ELN: variants seen among roughly 807,000 people sequenced by gnomAD.
The protein encoded by ELN is tropoelastin.
A neutral mutation model predicts 105.8 loss-of-function variants in ELN; 65 were observed. The ratio of observed to expected loss-of-function variants is 0.61; its 90% CI spans 0.50 to 0.75. The LOEUF (loss-of-function observed/expected upper bound fraction) is 0.75, where lower values mean the gene tolerates loss of function less well. ELN is among the 30% of genes least tolerant of loss of function. The probability of loss-of-function intolerance (pLI) is 0.00; values close to 1 mark genes in which losing one functional copy is unlikely to be tolerated. For missense variants in ELN, 882 were observed against 969.4 expected (o/e 0.91, Z 1.20); for synonymous variants, 368 against 389.2 (o/e 0.95, Z 0.64).
chr7:74,057,353 G>A, intron 21 of ELN: 1 of 1,473,308 alleles, frequency 6.8e-7, no homozygotes, highest in Non-Finnish European at 8.9e-7. Context: ...ACTGGGAGGG[G>A]CAAGGCTGAA....
Position 74,028,266 on chromosome 7 carries a change from G to A in ELN, c.79G>A (p.Gly27Arg), listed in dbSNP as rs1554660123. 2 of 1,607,154 alleles carry A rather than the reference G, an allele frequency of 1.2e-6. No homozygotes were observed. Among genetic ancestry groups the A allele is most frequent in the Admixed American group, 1.7e-5 (1 of 59,802 alleles). ...GTCCATCCTCCACCCCTCTCGGCCTGGAGGTAAGGACCCCTCGCCCCTGTC... is the reference window on the plus strand; with the variant it reads ...GTCCATCCTCCACCCCTCTCGGCCTAGAGGTAAGGACCCCTCGCCCCTGTC... ...LLSILHPSRP[G>R]GVPGAIPGGV... Residue 27 changes from glycine to arginine, a missense_variant, in exon 1 of 33, where the codon GGA becomes AGA. Coordinates refer to ENST00000252034, the MANE Select transcript of ELN (RefSeq NM_000501.4).
In ELN at chr7:74,046,769, TA is replaced by T; in HGVS notation, c.643+4del. ...CCATCAAGGCCCCCAAGCTGCCTGG[TA>T]AGTCAGAGGGACGGTTCAAGATGCA... is the stretch of plus-strand genomic sequence containing the variant. On this transcript the variant is annotated splice_donor_region_variant and intron_variant, in intron 12 of 32. Transcript: ENST00000252034. 1 of 1,614,050 alleles carries T rather than the reference TA, an allele frequency of 6.2e-7. No homozygotes were observed. Among genetic ancestry groups the T allele is most frequent in the Non-Finnish European group, 8.5e-7 (1 of 1,179,988 alleles).
Position 74,069,782 on chromosome 7 carries a change from C to T in ELN, c.*1082C>T, listed in dbSNP as rs1182108414. On this transcript the variant is annotated 3_prime_UTR_variant, in exon 33 of 33. Transcript: ENST00000252034. The stretch of plus-strand genomic sequence containing the variant: ...TTTTTTCTGATCCGGGGAGCTGTAT[C>T]CCCAGTAGAAAAAACATTTTAATCA... The T allele has an allele frequency of 4.5e-6, 1 of 223,074 alleles. No homozygotes were observed. The highest frequency in any genetic ancestry group is 8.9e-6 in the Non-Finnish European group (1 of 112,102). 13.8% of individuals were successfully genotyped at this position (223,074 alleles called of 1,614,324 possible). A position where few individuals can be genotyped will look rare whatever the true frequency, so the allele number is the denominator to read the frequency against.
intron 14 of ELN, 136 bp downstream of exon 14, chr7:74,048,337 G>A (rs1286456103): frequency 5.3e-6 from 8 of 1,508,662 alleles, no homozygotes; most frequent in Non-Finnish European, 7.4e-6. Flanking sequence ...CCTGGAGCAG[G>A]ATCCTGGGGG....
At chr7:74,042,488 T>A (rs770299192) in intron 5 of ELN, 126 bp from the exon 6 acceptor site, 1 of 776,380 alleles carries the variant, frequency 1.3e-6, no homozygotes, top group Non-Finnish European at 2.1e-6. Flanking sequence ...CAGGCATTGA[T>A]GTCTGGCAGA....
intron 26 of ELN, among the ~76,000 whole-genome samples, chr7:74,061,481 A>C (rs942418671): frequency 1.3e-5 from 2 of 151,850 alleles, no homozygotes; most frequent in Admixed American, 6.6e-5. Flanking sequence ...GTGAAACCCC[A>C]TCTCTACTAA....
chr7:74,058,249 TTTC>T (rs75113520), intron 22 of ELN, among the ~76,000 whole-genome samples: 5 of 132,446 alleles, frequency 3.8e-5, no homozygotes, highest in Admixed American at 8.5e-5. Flanking sequence ...TTTCTCCTTC[TTTC>T]TTCTTCTTTC....
chr7:74,048,393 A>G, intron 14 of ELN, 110 bp from the exon 15 acceptor site: 1 of 1,552,248 alleles, frequency 6.4e-7, no homozygotes, highest in Non-Finnish European at 8.9e-7. Context: ...TGAAGCTCCC[A>G]TGTATACCCA....
chr7:74,048,163 C>T lies in ELN; in HGVS notation c.707C>T (p.Ala236Val), dbSNP rs1419338705. The T allele has an allele frequency of 6.2e-7, 1 of 1,613,898 alleles. No homozygotes were observed. Among genetic ancestry groups the T allele is most frequent in the East Asian group, 2.2e-5 (1 of 44,896 alleles). The change falls in exon 14 of 33, where the codon GCT (alanine) becomes GTT (valine). Residue 236 changes from alanine (A) to valine (V), a missense_variant. By Grantham distance (64) the Ala-to-Val change is moderately conservative. Transcript: ENST00000252034. ...GCAGGCTATGGGCCCGGAGGAGTGGCTGGTGCAGCGGGCAAGGCTGGTTAC... is the reference window on the plus strand; with the variant it reads ...GCAGGCTATGGGCCCGGAGGAGTGGTTGGTGCAGCGGGCAAGGCTGGTTAC... ...LPYGYGPGGV[A>V]GAAGKAGYPT... is the part of the protein sequence containing the mutation.
At chr7:74,052,113 T>A in intron 17 of ELN, 130 bp downstream of exon 17, 5 of 1,019,770 alleles carry the variant, frequency 4.9e-6, no homozygotes, top group African/African-American at 1.6e-5. Context: ...CCTCCTTACC[T>A]TTGCCCCTTC....
chr7:74,068,679 T>A lies in ELN; in HGVS notation c.2154T>A (p.Ala718=). ...IFPGGACLGK[A]CGRKRK ...CAGGTGGGGCCTGCCTGGGGAAAGC[T>A]TGTGGCCGGAAGAGAAAATGAGCTT... The change falls in exon 33 of 33, where the codon GCT becomes GCA. Residue 718 remains alanine, a synonymous_variant. Transcript: ENST00000252034. The A allele has an allele frequency of 6.2e-7, 1 of 1,614,064 alleles. No individual in the cohort carries two copies. The highest frequency in any genetic ancestry group is 1.1e-5 in the South Asian group (1 of 91,082).
In ELN at chr7:74,060,516, G is replaced by A. The variant is rs1554683736; in HGVS notation, c.1747+15G>A. ...CTTCGGGGCAGGTGCAGATGAGGGA[G>A]TTAGGCGGAGCCTGTCCCCTGAGCT... On this transcript the variant is annotated intron_variant, in intron 25 of 32. Coordinates refer to ENST00000252034, the MANE Select transcript of ELN (RefSeq NM_000501.4). The A allele has an allele frequency of 1.2e-6, 2 of 1,614,230 alleles. No homozygotes were observed. Among genetic ancestry groups the A allele is most frequent in the South Asian group, 1.1e-5 (1 of 91,092 alleles).
At chr7:74,062,742 G>A (rs1563865634) in intron 26 of ELN, among the ~76,000 whole-genome samples, 2 of 152,238 alleles carry the variant, frequency 1.3e-5, no homozygotes, top group Non-Finnish European at 2.9e-5. Context: ...GTAGAAACAG[G>A]GTTTCACCGT....
intron 15 of ELN, among the ~76,000 whole-genome samples, chr7:74,050,935 A>G (rs1432540168): frequency 2.6e-5 from 4 of 152,220 alleles, no homozygotes; most frequent in East Asian, 1.9e-4. Flanking sequence ...TTAGAAAGAT[A>G]ATTTTAGGTG....
intron 1 of ELN, among the ~76,000 whole-genome samples, chr7:74,029,320 G>T (rs1788137107): frequency 6.6e-6 from 1 of 152,136 alleles, no homozygotes. Context: ...GGATCCTGGG[G>T]CACTGCTGGG....
Position 74,063,327 on chromosome 7 carries a change from G to C in ELN, c.1876G>C (p.Ala626Pro). 6.4e-7 allele frequency: 1 copy of C among 1,550,974 alleles called. No homozygotes were observed. The highest frequency in any genetic ancestry group is 1.2e-5 in the South Asian group (1 of 84,266). The stretch of plus-strand genomic sequence containing the variant: ...GTTCCCAGGAGCCGGACCCGCCGCC[G>C]CCGCTGCCGCAGCCAAAGCTGCTGC... Reference protein sequence around the residue: ...GGVVGAGPAAAAAAAKAAAKA... With the variant: ...GGVVGAGPAAPAAAAKAAAKA... Residue 626 changes from alanine to proline, a missense_variant, in exon 28 of 33, where the codon GCC (alanine) becomes CCC (proline). Ala to Pro is a conservative substitution (Grantham distance 27, BLOSUM62 -1). Coordinates refer to ENST00000252034, the MANE Select transcript of ELN (RefSeq NM_000501.4). The surrounding 1 kb of genome is among the most constrained non-coding windows in gnomAD (Gnocchi z 4.1).
chr7:74,031,832 G>C (rs1474797569), intron 1 of ELN, among the ~76,000 whole-genome samples: 1 of 148,068 alleles, frequency 6.8e-6, no homozygotes, highest in Non-Finnish European at 1.5e-5. Context: ...GAGAGAGAGA[G>C]ACAGAAAGAA....
intron 22 of ELN, 73 bp downstream of exon 22, chr7:74,057,769 C>T (rs1475813634): frequency 1.1e-5 from 17 of 1,549,424 alleles, no homozygotes; most frequent in Middle Eastern, 2.3e-4. Flanking sequence ...GGGGTCTGAC[C>T]GCCCAGCTTC....
chr7:74,061,545 G>A (rs950269693), intron 26 of ELN, among the ~76,000 whole-genome samples: 9 of 152,098 alleles, frequency 5.9e-5, no homozygotes, highest in African/African-American at 1.9e-4. Flanking sequence ...CCAGCTACTC[G>A]GGAGGCTGAG....
Sources: allele counts gnomAD v4.1 joint callset (sites outside exome capture counted in the v4.1 genomes callset), GRCh38; gene constraint gnomAD v4.1.1; non-coding constraint Gnocchi (gnomAD v3.1); transcripts MANE v1.5; gene names NCBI Gene and HGNC (gene_info 2026-07-23, HGNC 2026-07-21).